NOL11: variants seen among roughly 807,000 people sequenced by gnomAD.
NOL11 encodes the protein nucleolar protein 11.
NOL11 carries 42 observed loss-of-function variants against 93.0 expected under a neutral mutation model. That is an observed-to-expected ratio of 0.45 (90% CI 0.35 to 0.58). The LOEUF (loss-of-function observed/expected upper bound fraction) is 0.58. NOL11 is among the 20% of genes least tolerant of loss of function. The pLI is 0.00. For synonymous variants in NOL11, 296 were observed against 293.7 expected (o/e 1.01, Z -0.08); for missense variants, 775 against 841.8 (o/e 0.92, Z 0.98).
intron 14 of NOL11, 107 bp from the exon 15 acceptor site, chr17:67,738,825 A>G (rs906466878): frequency 1.4e-6 from 1 of 700,414 alleles, no homozygotes; most frequent in Non-Finnish European, 2.5e-6. Context: ...TTAGAGATGT[A>G]AAACTTTTGT....
At chr17:67,731,002 T>C (rs2055149519) in intron 7 of NOL11, among the ~76,000 whole-genome samples, 1 of 152,234 alleles carries the variant, frequency 6.6e-6, no homozygotes, top group African/African-American at 2.4e-5. Context: ...GGTTTTGATT[T>C]GCATTTCCCT....
intron 1 of NOL11, 72 bp from the exon 2 acceptor site, chr17:67,719,602 G>C (rs1006274072): frequency 1.2e-5 from 10 of 803,130 alleles, no homozygotes; most frequent in Admixed American, 2.6e-5. Flanking sequence ...TTCTTTTATT[G>C]ATTATAAACT....
intron 7 of NOL11, chr17:67,727,116 A>C (rs1481555025): frequency 6.5e-6 from 1 of 153,838 alleles, no homozygotes; most frequent in East Asian, 1.9e-4. Flanking sequence ...ACTCCCCGCC[A>C]GACTTCCTAG....
chr17:67,728,749 A>G (rs1599040345), intron 7 of NOL11, among the ~76,000 whole-genome samples: 1 of 152,218 alleles, frequency 6.6e-6, no homozygotes, highest in Non-Finnish European at 1.5e-5. Flanking sequence ...CCTACCCAAG[A>G]TCTCTCAGAG....
intron 5 of NOL11, 139 bp from the exon 6 acceptor site, chr17:67,723,909 AC>A: frequency 1.7e-6 from 1 of 595,950 alleles, no homozygotes; most frequent in Non-Finnish European, 2.8e-6. Context: ...CTGTCTCAAA[AC>A]AAACAAATTT....
At position 67,731,215 on chromosome 17, in the gene NOL11, T is replaced by G. The variant is rs531956971; in HGVS notation, c.854-3148T>G. ...AAATATTTTCTCCCATTCTATAGGT[T>G]GTCTTCACTTGGATAATGTCCCTTC... On this transcript the variant is annotated intron_variant, in intron 7 of 17. Transcript: ENST00000253247. Among the ~76,000 whole-genome samples, 17 of 152,342 alleles carry G rather than the reference T, an allele frequency of 1.1e-4. 1 individual carries two copies. In the South Asian group the frequency reaches 3.5e-3, roughly 32 times the overall value.
chr17:67,736,853 C>A, intron 10 of NOL11, 99 bp downstream of exon 10: 3 of 921,950 alleles, frequency 3.3e-6, no homozygotes, highest in Non-Finnish European at 5.0e-6. Flanking sequence ...ACTCTTAGAG[C>A]TTTGACTATA....
intron 6 of NOL11, among the ~76,000 whole-genome samples, chr17:67,724,727 C>T (rs1229058855): frequency 1.3e-5 from 2 of 152,202 alleles, no homozygotes; most frequent in Non-Finnish European, 2.9e-5. Context: ...GATACAGCAT[C>T]CTTTTCTAAC....
intron 1 of NOL11, among the ~76,000 whole-genome samples, chr17:67,718,845 C>T (rs1179240336): frequency 6.6e-6 from 1 of 152,204 alleles, no homozygotes; most frequent in African/African-American, 2.4e-5. Flanking sequence ...TTTGACTCTG[C>T]TAACTCTATT....
intron 7 of NOL11, 95 bp downstream of exon 7, chr17:67,726,743 A>T: frequency 2.2e-6 from 2 of 891,334 alleles, no homozygotes; most frequent in South Asian, 2.5e-5. Flanking sequence ...GTTATTACCC[A>T]GACTAATTCA....
Position 67,739,021 on chromosome 17 carries a change from A to G in NOL11, c.1842+11A>G, listed in dbSNP as rs778991861. On this transcript the variant is annotated intron_variant, in intron 15 of 17. Transcript: ENST00000253247. ...GCACAGCATATCACGGTAAGTGTTCATACAAGTTGTATAGAATTTTACTTC... is the reference window on the plus strand; with the variant it reads ...GCACAGCATATCACGGTAAGTGTTCGTACAAGTTGTATAGAATTTTACTTC... 1.3e-6 allele frequency: 2 copies of G among 1,582,456 alleles called. No homozygotes were observed. The highest frequency in any genetic ancestry group is 1.1e-5 in the South Asian group (1 of 88,796).
chr17:67,729,847 G>A (rs912543587), intron 7 of NOL11, among the ~76,000 whole-genome samples: 8 of 152,124 alleles, frequency 5.3e-5, no homozygotes, highest in African/African-American at 1.4e-4. Context: ...CCAAAGTGCC[G>A]GGATTACAGG....
At chr17:67,740,452 A>G (rs2055245120) in intron 16 of NOL11, among the ~76,000 whole-genome samples, 1 of 151,806 alleles carries the variant, frequency 6.6e-6, no homozygotes, top group South Asian at 2.1e-4. Flanking sequence ...TCTACTAAAA[A>G]TACAAAATTA....
rs868091628 is a variant in NOL11 at position 67,738,601 on chromosome 17, G to A, written c.1763+246G>A. On this transcript the variant is annotated intron_variant, in intron 14 of 17. Transcript: ENST00000253247. ...AGTCCCAGCACTTTTTGAGGCCGAGGTGGGAGGATTGTCTGAGCCCAGGAG... is the reference window on the plus strand; with the variant it reads ...AGTCCCAGCACTTTTTGAGGCCGAGATGGGAGGATTGTCTGAGCCCAGGAG... 8.3e-6 allele frequency: 4 copies of A among 480,058 alleles called. 1 individual carries two copies. Among genetic ancestry groups the A allele is most frequent in the Middle Eastern group, 5.5e-4 (1 of 1,806 alleles). The allele number at this position is 480,058 out of a possible 1,614,324, so 29.7% of individuals were successfully genotyped here.
intron 14 of NOL11, 91 bp downstream of exon 14, chr17:67,738,446 G>T: frequency 3.8e-6 from 3 of 795,296 alleles, no homozygotes; most frequent in Non-Finnish European, 6.0e-6. Context: ...AATAATTTAA[G>T]GTTTTTCTTT....
intron 2 of NOL11, 30 bp downstream of exon 2, chr17:67,719,817 A>G (rs1327229551): frequency 1.3e-6 from 2 of 1,483,102 alleles, no homozygotes; most frequent in Middle Eastern, 2.4e-4. Context: ...TATAATATAT[A>G]CAATATAAAT....
At chr17:67,723,492 G>A (rs1186160311) in intron 5 of NOL11, among the ~76,000 whole-genome samples, 115 of 140,974 alleles carry the variant, frequency 8.2e-4, no homozygotes, top group Non-Finnish European at 1.5e-3. Context: ...GGGTTCAAGC[G>A]ATTCTCCTGT....
intron 1 of NOL11, among the ~76,000 whole-genome samples, chr17:67,718,381 A>G (rs2043192061): frequency 6.6e-6 from 1 of 152,148 alleles, no homozygotes; most frequent in Non-Finnish European, 1.5e-5. Flanking sequence ...TGGCCTTGCT[A>G]AGATTCCCTC....
intron 15 of NOL11, among the ~76,000 whole-genome samples, 169 bp from the exon 16 acceptor site, chr17:67,739,347 C>T (rs990715985): frequency 6.6e-6 from 1 of 152,176 alleles, no homozygotes; most frequent in Non-Finnish European, 1.5e-5. Context: ...ACCAGATGAG[C>T]TCCTCATTAA....
Sources: allele counts gnomAD v4.1 joint callset (sites outside exome capture counted in the v4.1 genomes callset), GRCh38; gene constraint gnomAD v4.1.1; transcripts MANE v1.5; gene names NCBI Gene and HGNC (gene_info 2026-07-23, HGNC 2026-07-21).